Variants in CACNA1D observed in about 807,000 individuals in gnomAD.
CACNA1D encodes calcium voltage-gated channel subunit alpha1 D.
A neutral mutation model predicts 257.1 loss-of-function variants in CACNA1D; 55 were observed. The ratio of observed to expected loss-of-function variants is 0.21; its 90% CI spans 0.17 to 0.27. The LOEUF (loss-of-function observed/expected upper bound fraction) is 0.27, where lower values mean the gene tolerates loss of function less well. CACNA1D is among the 10% of genes least tolerant of loss of function. The pLI is 1.00. For synonymous variants in CACNA1D, 980 were observed against 1,014.9 expected (o/e 0.97, Z 0.65); for missense variants, 1,876 against 2,784.0 (o/e 0.67, Z 7.34).
At chr3:53,684,724 G>C (rs140840352) in intron 8 of CACNA1D, among the ~76,000 whole-genome samples, 1 of 151,744 alleles carries the variant, frequency 6.6e-6, no homozygotes, top group African/African-American at 2.4e-5. Flanking sequence ...TAAGCACAAG[G>C]TATTATGGGA....
chr3:53,739,510 C>A (rs1446253704), intron 20 of CACNA1D, among the ~76,000 whole-genome samples: 1 of 152,180 alleles, frequency 6.6e-6, no homozygotes, highest in African/African-American at 2.4e-5. Flanking sequence ...TAGCAGGACT[C>A]TGCTGATGGG....
At chr3:53,524,670 T>C (rs927284566) in intron 3 of CACNA1D, among the ~76,000 whole-genome samples, 3 of 152,238 alleles carry the variant, frequency 2.0e-5, no homozygotes, top group African/African-American at 7.2e-5. Flanking sequence ...TAATTTCTTG[T>C]TCAGCTTTTA....
At chr3:53,761,352 A>C (rs2095300708) in intron 29 of CACNA1D, among the ~76,000 whole-genome samples, 2 of 152,218 alleles carry the variant, frequency 1.3e-5, no homozygotes, top group Non-Finnish European at 2.9e-5. Context: ...CCCCCATGAC[A>C]AGGAGCCAGT....
rs945511784 is a variant in CACNA1D, at chr3:53,769,383, G to A, written c.3871-590G>A. ...TCTGAGCTGTGGGGCAGGCAGCGAG[G>A]GTTTCTGTAGGGAAGCCTGCCTCTC... On this transcript the variant is annotated intron_variant, in intron 30 of 47. Transcript: ENST00000350061. 4.6e-5 allele frequency among the ~76,000 whole-genome samples: 7 copies of A among 152,340 alleles called. No homozygotes were observed. In the South Asian group the frequency reaches 1.4e-3, roughly 32 times the overall value.
intron 3 of CACNA1D, among the ~76,000 whole-genome samples, chr3:53,616,455 C>T (rs1243543783): frequency 6.6e-6 from 1 of 152,200 alleles, no homozygotes; most frequent in East Asian, 1.9e-4. Flanking sequence ...CTCACAGAGG[C>T]TCACACGCAC....
At chr3:53,725,016 T>TTA (rs386396662) in intron 14 of CACNA1D, among the ~76,000 whole-genome samples, 1 of 151,940 alleles carries the variant, frequency 6.6e-6, no homozygotes, top group Non-Finnish European at 1.5e-5. Flanking sequence ...TTTTTTTTTT[T>TTA]TGGTAATGCA....
chr3:53,546,939 G>T (rs1010929914), intron 3 of CACNA1D, among the ~76,000 whole-genome samples: 1 of 152,146 alleles, frequency 6.6e-6, no homozygotes, highest in Admixed American at 6.5e-5. Flanking sequence ...TTGGAAAGTT[G>T]TTTGTAGTAA....
intron 23 of CACNA1D, 88 bp downstream of exon 23, chr3:53,744,915 C>CT: frequency 1.3e-6 from 1 of 787,058 alleles, no homozygotes; most frequent in Non-Finnish European, 2.3e-6. Context: ...GAGCTGAGGC[C>CT]TGATGGATTT....
chr3:53,701,822 A>G lies in CACNA1D; in HGVS notation c.1221-819A>G, dbSNP rs151298113. On this transcript the variant is annotated intron_variant, in intron 8 of 47. Transcript: ENST00000350061. ...TCAGAGGCTTGCACACATGGTGGAAAGTAGCATAAACACCCCACAATTGGG... is the reference window on the plus strand; with the variant it reads ...TCAGAGGCTTGCACACATGGTGGAAGGTAGCATAAACACCCCACAATTGGG... 4.6e-4 allele frequency among the ~76,000 whole-genome samples: 70 copies of G among 152,354 alleles called. 1 individual carries two copies. Among genetic ancestry groups the G allele is most frequent in the African/African-American group, 1.6e-3 (68 of 41,588 alleles).
Position 53,503,719 on chromosome 3 carries a change from C to G in CACNA1D, c.483+1999C>G, listed in dbSNP as rs906234168. On this transcript the variant is annotated intron_variant, in intron 3 of 47. Coordinates refer to ENST00000350061, the MANE Select transcript of CACNA1D (RefSeq NM_001128840.3). ...TGGATTAATCTTTCCCTTTTGCACC[C>G]CTTCTCCAGTGAATCTTTTCTTGAC... is the stretch of plus-strand genomic sequence containing the variant. Among the ~76,000 whole-genome samples the G allele has an allele frequency of 2.0e-5, 3 of 152,182 alleles. No homozygotes were observed. In the East Asian group the frequency reaches 5.8e-4, roughly 29 times the overall value.
chr3:53,556,366 AG>A (rs2092645356), intron 3 of CACNA1D, among the ~76,000 whole-genome samples: 1 of 152,232 alleles, frequency 6.6e-6, no homozygotes, highest in Non-Finnish European at 1.5e-5. Flanking sequence ...TCCCACCAGA[AG>A]TGTATGAGAG....
intron 9 of CACNA1D, among the ~76,000 whole-genome samples, chr3:53,706,326 C>G (rs2094688827): frequency 6.6e-6 from 1 of 152,190 alleles, no homozygotes; most frequent in Admixed American, 6.5e-5. Context: ...TTAATAACAG[C>G]AGATGTCTGT....
At chr3:53,539,127 C>T (rs1216782855) in intron 3 of CACNA1D, among the ~76,000 whole-genome samples, 5 of 150,618 alleles carry the variant, frequency 3.3e-5, no homozygotes, top group East Asian at 1.9e-4. Flanking sequence ...TGTTGTTGTT[C>T]GAGACAGAGT....
At chr3:53,642,497 C>T (rs2093968961) in intron 3 of CACNA1D, among the ~76,000 whole-genome samples, 2 of 152,210 alleles carry the variant, frequency 1.3e-5, no homozygotes, top group Non-Finnish European at 2.9e-5. Flanking sequence ...TGCTGTTACC[C>T]TTGGAGTTTT....
chr3:53,720,184 A>G (rs1199855377), intron 11 of CACNA1D, among the ~76,000 whole-genome samples: 1 of 152,216 alleles, frequency 6.6e-6, no homozygotes, highest in East Asian at 1.9e-4. Flanking sequence ...TCATTGAACC[A>G]TATACCTATG....
chr3:53,770,064 T>G (rs2095357896), intron 31 of CACNA1D, 47 bp downstream of exon 31: 1 of 1,462,360 alleles, frequency 6.8e-7, no homozygotes, highest in Admixed American at 1.7e-5. Context: ...TTCCTTAAGT[T>G]TATTTGACCA....
intron 3 of CACNA1D, among the ~76,000 whole-genome samples, chr3:53,573,783 A>C (rs916858114): frequency 1.2e-4 from 19 of 152,230 alleles, no homozygotes; most frequent in African/African-American, 4.6e-4. Context: ...TTCATGAACA[A>C]AGTGTGTCCA....
Position 53,501,628 on chromosome 3 carries a change from T to C in CACNA1D, c.391T>C (p.Phe131Leu). The C allele has an allele frequency of 6.4e-7, 1 of 1,556,754 alleles. No individual in the cohort carries two copies. The highest frequency in any genetic ancestry group is 8.9e-7 in the Non-Finnish European group (1 of 1,128,752). ...SIVEWKPFDI[F>L]ILLAIFANCV... is the part of the protein sequence containing the mutation. The stretch of plus-strand genomic sequence containing the variant: ...ACATTTTTTCAGACCATTTGACATA[T>C]TTATATTATTGGCTATTTTTGCCAA... The change falls in exon 3 of 48, where the codon TTT (phenylalanine) becomes CTT (leucine). Residue 131 changes from phenylalanine to leucine, a missense_variant. Coordinates refer to ENST00000350061, the MANE Select transcript of CACNA1D (RefSeq NM_001128840.3).
At chr3:53,769,875 AT>A in intron 30 of CACNA1D, 97 bp from the exon 31 acceptor site, 1 of 951,786 alleles carries the variant, frequency 1.1e-6, no homozygotes, top group Non-Finnish European at 1.7e-6. Context: ...GTGTCTAAAG[AT>A]GGGAACCACA....
Sources: gnomAD v4.1 joint callset for allele counts (sites outside exome capture counted in the v4.1 genomes callset) on GRCh38, gnomAD v4.1.1 for gene constraint, MANE v1.5 for transcripts, NCBI Gene and HGNC (gene_info 2026-07-23, HGNC 2026-07-21) for gene names.